The following UBAP2 variants were observed in gnomAD, a reference collection of about 807,000 sequenced individuals.
UBAP2 encodes the protein ubiquitin-associated protein 2.
In UBAP2, 75 loss-of-function variants were observed where a neutral mutation model predicts 139.6. That is an observed-to-expected ratio of 0.54 (90% CI 0.45 to 0.65). The LOEUF is 0.65. Ranked by LOEUF, UBAP2 falls within the 30% of genes least tolerant of loss-of-function variation. The probability of loss-of-function intolerance (pLI) is 0.00; values close to 1 mark genes in which losing one functional copy is unlikely to be tolerated. For synonymous variants in UBAP2, 526 were observed against 526.2 expected, an observed-to-expected ratio of 1.00 and a Z score of 0.01; for missense variants, 1,368 against 1,369.6, an observed-to-expected ratio of 1.00 and a Z score of 0.02.
At chr9:33,943,610 TGTCAGGAACAGAG>T in intron 14 of UBAP2, 21 bp from the exon 15 acceptor site, 1 of 1,613,366 alleles carries the variant, frequency 6.2e-7, no homozygotes, top group Non-Finnish European at 8.5e-7. Flanking sequence ...AAAGCTGTCG[TGTCAGGAACAGAG>T]GTCACAGATT....
At chr9:33,996,124 T>A (rs1219972874) in intron 4 of UBAP2, 99 bp downstream of exon 4, 3 of 832,954 alleles carry the variant, frequency 3.6e-6, no homozygotes, top group Non-Finnish European at 3.9e-6. Context: ...AATGGCACCA[T>A]AATCCATTCC....
rs1245737369 is a variant in UBAP2, at chr9:33,927,116, T to A, written c.2372-36A>T. 2.0e-6 allele frequency: 3 copies of A among 1,532,880 alleles called. No individual in the cohort carries two copies. In the African/African-American group the frequency reaches 4.1e-5, roughly 21 times the overall value. 95.0% of individuals were successfully genotyped at this position (1,532,880 alleles called of 1,614,324 possible). On this transcript the variant is annotated intron_variant, in intron 20 of 28. Coordinates refer to ENST00000379238, the MANE Select transcript of UBAP2 (RefSeq NM_001370062.2). Reference sequence around the variant, plus strand: ...GGAAAAATCAAATGGAGTGAAATGGTCACCACAAAGAGTGAGAGTCCTCAG... The same window carrying A: ...GGAAAAATCAAATGGAGTGAAATGGACACCACAAAGAGTGAGAGTCCTCAG...
chr9:33,974,369 T>C lies in UBAP2; in HGVS notation c.521-1132A>G, dbSNP rs560929622. 2.6e-5 allele frequency among the ~76,000 whole-genome samples: 4 copies of C among 152,204 alleles called. No homozygotes were observed. The East Asian group carries it at 7.7e-4, about 29-fold the overall frequency. ...AAAAAATACAAATATTAATGGGGCATAGTGGTACATGCCTGTAGTCCCAAC... is the reference window on the plus strand; with the variant it reads ...AAAAAATACAAATATTAATGGGGCACAGTGGTACATGCCTGTAGTCCCAAC... On this transcript the variant is annotated intron_variant, in intron 6 of 28. Transcript: ENST00000379238.
chr9:33,991,303 AAATAAT>A (rs60216977), intron 4 of UBAP2, among the ~76,000 whole-genome samples: 58,666 of 151,230 alleles, frequency 0.39, 11,418 homozygotes, highest in Middle Eastern at 0.47. Context: ...TCTGTATCAA[AAATAAT>A]AATAATAATA....
chr9:33,979,152 T>C (rs1820415790), intron 6 of UBAP2, among the ~76,000 whole-genome samples: 1 of 152,194 alleles, frequency 6.6e-6, no homozygotes. Flanking sequence ...GCAGGAGTAT[T>C]GCTTGAACGT....
intron 2 of UBAP2, among the ~76,000 whole-genome samples, chr9:34,010,346 C>G (rs1260396497): frequency 1.4e-5 from 2 of 148,004 alleles, no homozygotes; most frequent in African/African-American, 4.9e-5. Context: ...ATCACTTGAA[C>G]CTGGGAGATG....
intron 2 of UBAP2, among the ~76,000 whole-genome samples, chr9:34,016,387 G>C (rs891771315): frequency 9.5e-5 from 12 of 126,702 alleles, no homozygotes; most frequent in African/African-American, 2.8e-4. Flanking sequence ...GGTGGTGGTG[G>C]TGGTGGTGGT....
chr9:33,924,006 A>G lies in UBAP2; in HGVS notation c.2591-6T>C, dbSNP rs1482442537. On this transcript the variant is annotated splice_polypyrimidine_tract_variant and splice_region_variant and intron_variant, in intron 23 of 28. Coordinates refer to ENST00000379238, the MANE Select transcript of UBAP2 (RefSeq NM_001370062.2). ...GCCAAACTTTGTGACATCACCTAGGAAAGAGCACTGACTCCAGCCACTGCC... is the reference window on the plus strand; with the variant it reads ...GCCAAACTTTGTGACATCACCTAGGGAAGAGCACTGACTCCAGCCACTGCC... The G allele has an allele frequency of 1.9e-6, 3 of 1,613,282 alleles. No homozygotes were observed. The highest frequency in any genetic ancestry group is 2.5e-6 in the Non-Finnish European group (3 of 1,180,004).
rs145016608 is a variant in UBAP2, at chr9:33,936,584, A to G, written c.1930-706T>C. 2.3e-4 allele frequency among the ~76,000 whole-genome samples: 35 copies of G among 152,188 alleles called. No individual in the cohort carries two copies. The East Asian group carries it at 4.8e-3, about 21-fold the overall frequency. On this transcript the variant is annotated intron_variant, in intron 16 of 28. Coordinates refer to ENST00000379238, the MANE Select transcript of UBAP2 (RefSeq NM_001370062.2). ...GTTGGGATTACAGGTGTGAGCCACC[A>G]TGTGAGCTGACATTGCGCCACTGTA...
intron 10 of UBAP2, among the ~76,000 whole-genome samples, chr9:33,958,258 G>GC (rs1826733562): frequency 6.6e-6 from 1 of 151,968 alleles, no homozygotes; most frequent in Admixed American, 6.6e-5. Context: ...CACTGTGCCT[G>GC]CCCCAAGGTA....
At chr9:33,987,281 G>A (rs577434734) in intron 5 of UBAP2, among the ~76,000 whole-genome samples, 74 of 152,052 alleles carry the variant, frequency 4.9e-4, no homozygotes, top group African/African-American at 1.5e-3. Context: ...GTGTGGTGGC[G>A]CGCACCTATA....
intron 16 of UBAP2, among the ~76,000 whole-genome samples, chr9:33,936,672 ATAAAT>A (rs1824549162): frequency 6.6e-6 from 1 of 152,162 alleles, no homozygotes; most frequent in Non-Finnish European, 1.5e-5. Context: ...AAACAAATAA[ATAAAT>A]AAAGGAGACA....
intron 1 of UBAP2, among the ~76,000 whole-genome samples, chr9:34,037,565 AAAGCCCCAAAAAGTTACATTTTATCCTAC>A (rs1314459094): frequency 2.6e-5 from 4 of 152,364 alleles, no homozygotes; most frequent in African/African-American, 9.6e-5. Context: ...AGACTTTCCA[AAAGCCCCAAAAAGTTACATTTTATCCTAC>A]AATAAATTAG....
chr9:33,935,942 T>C, intron 16 of UBAP2, 64 bp from the exon 17 acceptor site: 3 of 1,478,268 alleles, frequency 2.0e-6, no homozygotes, highest in Non-Finnish European at 2.8e-6. Flanking sequence ...TGAGTGGCTT[T>C]TTATACTTTC....
At chr9:33,975,055 T>C (rs1045534699) in intron 6 of UBAP2, among the ~76,000 whole-genome samples, 17 of 151,828 alleles carry the variant, frequency 1.1e-4, no homozygotes, top group African/African-American at 3.6e-4. Context: ...ATTAGGGAAA[T>C]CCAAATCAAA....
rs72150705 is a variant in UBAP2 at position 33,939,189 on chromosome 9, C to CTTTTTTTTTT, written c.1929+2450_1929+2459dup. ...AATAACATTATTTGATTTCCTATGT[C>CTTTTTTTTTT]TTTTTTTTTTTTTTTTTTTTTTGAG... On this transcript the variant is annotated intron_variant, in intron 16 of 28. Transcript: ENST00000379238. Among the ~76,000 whole-genome samples, 20 of 78,590 alleles carry CTTTTTTTTTT rather than the reference C, an allele frequency of 2.5e-4. 1 individual carries two copies. Among genetic ancestry groups the CTTTTTTTTTT allele is most frequent in the East Asian group, 8.8e-4 (2 of 2,270 alleles). 51.6% of individuals were successfully genotyped at this position (78,590 alleles called of 152,430 possible).
intron 6 of UBAP2, among the ~76,000 whole-genome samples, chr9:33,977,540 T>C (rs185901350): frequency 2.0e-4 from 30 of 152,206 alleles, no homozygotes; most frequent in Non-Finnish European, 4.0e-4. Context: ...AGTCTTTTAA[T>C]CACAAAAACC....
chr9:33,982,001 A>G (rs937878780), intron 6 of UBAP2, among the ~76,000 whole-genome samples: 1 of 152,192 alleles, frequency 6.6e-6, no homozygotes, highest in Admixed American at 6.5e-5. Flanking sequence ...TACTGGTGAG[A>G]AGAACAGAAT....
intron 22 of UBAP2, 40 bp from the exon 23 acceptor site, chr9:33,924,324 G>C (rs376434497): frequency 6.3e-7 from 1 of 1,587,220 alleles, no homozygotes; most frequent in Non-Finnish European, 8.6e-7. Flanking sequence ...GACTGGCCCT[G>C]CTTGACTCCC....
Sources: allele counts gnomAD v4.1 joint callset (sites outside exome capture counted in the v4.1 genomes callset), GRCh38; gene constraint gnomAD v4.1.1; transcripts MANE v1.5; gene names NCBI Gene and HGNC (gene_info 2026-07-23, HGNC 2026-07-21).